CCDC60: variants seen among roughly 807,000 people sequenced by gnomAD.
The protein encoded by CCDC60 is coiled-coil domain containing 60.
A neutral mutation model predicts 63.5 loss-of-function variants in CCDC60; 54 were observed. The ratio of observed to expected loss-of-function variants is 0.85; its 90% CI spans 0.68 to 1.07. CCDC60 has a LOEUF of 1.07. Ranked by LOEUF, CCDC60 falls within the 50% of genes least tolerant of loss-of-function variation. The pLI is 0.00. For synonymous variants in CCDC60, 206 were observed against 238.8 expected (o/e 0.86, Z 1.27); for missense variants, 651 against 684.3 (o/e 0.95, Z 0.54).
chr12:119,413,379 C>T (rs751961289), intron 1 of CCDC60, among the ~76,000 whole-genome samples: 1 of 152,154 alleles, frequency 6.6e-6, no homozygotes, highest in African/African-American at 2.4e-5. Context: ...ACTGTTATAT[C>T]GCTGCATCGC....
intron 1 of CCDC60, among the ~76,000 whole-genome samples, chr12:119,342,197 A>G (rs967653446): frequency 2.0e-5 from 3 of 152,224 alleles, no homozygotes; most frequent in Non-Finnish European, 4.4e-5. Context: ...CCAGGTCACA[A>G]AATGGCTGTC....
intron 1 of CCDC60, among the ~76,000 whole-genome samples, chr12:119,339,943 C>T (rs1018083771): frequency 1.7e-4 from 26 of 152,180 alleles, no homozygotes; most frequent in African/African-American, 5.5e-4. Context: ...TCTGTGGGTT[C>T]GAACCCCAAC....
chr12:119,432,318 C>A (rs1303033149), intron 2 of CCDC60, among the ~76,000 whole-genome samples: 1 of 152,218 alleles, frequency 6.6e-6, no homozygotes, highest in African/African-American at 2.4e-5. Flanking sequence ...AAGGGAATTG[C>A]ACTCTGTTCC....
chr12:119,493,702 G>GA (rs1441207290), intron 5 of CCDC60, among the ~76,000 whole-genome samples: 1 of 152,138 alleles, frequency 6.6e-6, no homozygotes, highest in Non-Finnish European at 1.5e-5. Flanking sequence ...CTTCAATAAT[G>GA]AATGTGCCAA....
intron 1 of CCDC60, among the ~76,000 whole-genome samples, chr12:119,413,404 A>T (rs931849880): frequency 2.0e-4 from 30 of 152,208 alleles, no homozygotes; most frequent in African/African-American, 6.8e-4. Flanking sequence ...TTTGCTGACC[A>T]TCGGGTCACT....
At chr12:119,457,957 T>C (rs1421371544) in intron 2 of CCDC60, among the ~76,000 whole-genome samples, 1 of 152,252 alleles carries the variant, frequency 6.6e-6, no homozygotes, top group Non-Finnish European at 1.5e-5. Flanking sequence ...AAATATTTGC[T>C]TGGTGCTTTT....
At chr12:119,361,458 G>A (rs1047933918) in intron 1 of CCDC60, among the ~76,000 whole-genome samples, 2 of 152,008 alleles carry the variant, frequency 1.3e-5, no homozygotes, top group Non-Finnish European at 2.9e-5. Flanking sequence ...TCTTTATTGA[G>A]TGTCAAAATG....
intron 1 of CCDC60, among the ~76,000 whole-genome samples, chr12:119,412,409 T>G (rs12296267): frequency 0.12 from 18,596 of 152,256 alleles, 1,354 homozygotes; most frequent in African/African-American, 0.19. Context: ...TGGAAGCCAC[T>G]TGGGGGCTTA....
chr12:119,336,998 G>A (rs1482771624), intron 1 of CCDC60, among the ~76,000 whole-genome samples: 1 of 152,166 alleles, frequency 6.6e-6, no homozygotes, highest in Non-Finnish European at 1.5e-5. Flanking sequence ...CACAGTTGTG[G>A]CTCACAGTCA....
Position 119,528,601 on chromosome 12 carries a change from A to G in CCDC60, c.1230-14A>G. Reference sequence around the variant, plus strand: ...GATCTCATTCTTCTCTCTCTTTCTCATACAACCTTGTAGGCGCCAAGAAGA... The same window carrying G: ...GATCTCATTCTTCTCTCTCTTTCTCGTACAACCTTGTAGGCGCCAAGAAGA... On this transcript the variant is annotated splice_polypyrimidine_tract_variant and intron_variant, in intron 11 of 13. Coordinates refer to ENST00000327554, the MANE Select transcript of CCDC60 (RefSeq NM_178499.5). 2.5e-6 allele frequency: 4 copies of G among 1,609,114 alleles called. No individual in the cohort carries two copies. The highest frequency in any genetic ancestry group is 2.5e-6 in the Non-Finnish European group (3 of 1,177,248).
rs1952060626 is a variant in CCDC60 at position 119,507,569 on chromosome 12, TGTATATATACACATATATATACATATATA to T, written c.883+2267_883+2295del. 3.5e-5 allele frequency among the ~76,000 whole-genome samples: 2 copies of T among 57,560 alleles called. 1 individual carries two copies. The highest frequency in any genetic ancestry group is 1.9e-4 in the African/African-American group (2 of 10,724). 37.8% of individuals were successfully genotyped at this position (57,560 alleles called of 152,430 possible). ...ATATATACATATATATATATATATA[TGTATATATACACATATATATACATATATA>T]TATATATATATATATATTTTTTTTT... On this transcript the variant is annotated intron_variant, in intron 7 of 13. Coordinates refer to ENST00000327554, the MANE Select transcript of CCDC60 (RefSeq NM_178499.5).
chr12:119,458,871 C>T (rs541514166), intron 2 of CCDC60, among the ~76,000 whole-genome samples: 1 of 152,150 alleles, frequency 6.6e-6, no homozygotes, highest in South Asian at 2.1e-4. Context: ...CTCAGCCCCC[C>T]GAGTAGCTGG....
chr12:119,536,626 C>T (rs1953014504), intron 13 of CCDC60, among the ~76,000 whole-genome samples: 1 of 152,176 alleles, frequency 6.6e-6, no homozygotes, highest in Admixed American at 6.5e-5. Context: ...ACAAAAATCT[C>T]TCACCATTTG....
chr12:119,369,366 C>T (rs1222994264), intron 1 of CCDC60, among the ~76,000 whole-genome samples: 1 of 152,232 alleles, frequency 6.6e-6, no homozygotes, highest in Non-Finnish European at 1.5e-5. Context: ...TGACAAACAG[C>T]ATTCCTGGGG....
chr12:119,410,310 G>T lies in CCDC60; in HGVS notation c.91-18373G>T, dbSNP rs1232625761. ...AAATGAATGGTTTGAGGACAAGGTG[G>T]AAGTAATACATTTTAAAAAGTGATG... On this transcript the variant is annotated intron_variant, in intron 1 of 13. Transcript: ENST00000327554. The surrounding 1 kb of genome is among the most constrained non-coding windows in gnomAD (Gnocchi z 4.0). Among the ~76,000 whole-genome samples, 1 of 151,900 alleles carries T rather than the reference G, an allele frequency of 6.6e-6. No individual in the cohort carries two copies. The highest frequency in any genetic ancestry group is 1.5e-5 in the Non-Finnish European group (1 of 67,982).
chr12:119,366,091 G>GCT (rs1470881344), intron 1 of CCDC60, among the ~76,000 whole-genome samples: 2 of 152,094 alleles, frequency 1.3e-5, no homozygotes, highest in Admixed American at 1.3e-4. Flanking sequence ...ACTGTGCTAA[G>GCT]ATGCTTCACA....
intron 8 of CCDC60, among the ~76,000 whole-genome samples, chr12:119,519,362 G>C (rs921248752): frequency 2.0e-5 from 3 of 150,638 alleles, no homozygotes; most frequent in African/African-American, 7.3e-5. Flanking sequence ...CCTCATCCCA[G>C]AATCCACTGA....
intron 2 of CCDC60, among the ~76,000 whole-genome samples, chr12:119,465,093 C>T (rs940515188): frequency 7.9e-5 from 12 of 152,070 alleles, no homozygotes; most frequent in Non-Finnish European, 1.5e-4. Context: ...GGGTGGATCA[C>T]GAGGTCAGGA....
At chr12:119,386,233 C>T (rs571641476) in intron 1 of CCDC60, among the ~76,000 whole-genome samples, 1 of 152,308 alleles carries the variant, frequency 6.6e-6, no homozygotes, top group Non-Finnish European at 1.5e-5. Flanking sequence ...CTCATCTGTC[C>T]ATGTTCAGCA....
Sources: allele counts gnomAD v4.1 joint callset (sites outside exome capture counted in the v4.1 genomes callset), GRCh38; gene constraint gnomAD v4.1.1; non-coding constraint Gnocchi (gnomAD v3.1); transcripts MANE v1.5; gene names NCBI Gene and HGNC (gene_info 2026-07-23, HGNC 2026-07-21).